WWP2: variants seen among roughly 807,000 people sequenced by gnomAD.
WWP2 encodes NEDD4-like E3 ubiquitin-protein ligase WWP2.
Under a neutral mutation model 121.0 loss-of-function variants are expected in WWP2, and 57 were observed. That is an observed-to-expected ratio of 0.47 (90% CI 0.38 to 0.59). The LOEUF (loss-of-function observed/expected upper bound fraction) is 0.59. WWP2 is among the 20% of genes least tolerant of loss of function. WWP2 has a pLI of 0.00. For missense variants in WWP2, 962 were observed against 1,158.9 expected, an observed-to-expected ratio of 0.83 and a Z score of 2.47; for synonymous variants, 449 against 441.3, an observed-to-expected ratio of 1.02 and a Z score of -0.22.
At chr16:69,848,752 A>G (rs9888981) in intron 6 of WWP2, among the ~76,000 whole-genome samples, 24,214 of 151,928 alleles carry the variant, frequency 0.16, 2,250 homozygotes, top group East Asian at 0.4. Flanking sequence ...ATGTGAACGC[A>G]CATGAGAGAG....
chr16:69,830,540 C>T (rs985092824), intron 4 of WWP2, among the ~76,000 whole-genome samples: 4 of 152,156 alleles, frequency 2.6e-5, no homozygotes, highest in African/African-American at 4.8e-5. Context: ...AGATTCCCAG[C>T]GGTAGTAGCC....
At chr16:69,795,927 C>A (rs1056519502) in intron 2 of WWP2, among the ~76,000 whole-genome samples, 1 of 151,742 alleles carries the variant, frequency 6.6e-6, no homozygotes. Flanking sequence ...GGATTACAGG[C>A]GTGAGCCACC....
At chr16:69,930,341 G>T in intron 13 of WWP2, 83 bp downstream of exon 13, 2 of 1,574,444 alleles carry the variant, frequency 1.3e-6, no homozygotes, top group Non-Finnish European at 1.7e-6. Flanking sequence ...GCCCACTTTG[G>T]GTGGCCCCTG....
At chr16:69,841,949 C>G (rs1231279231) in intron 5 of WWP2, 75 bp from the exon 6 acceptor site, 8 of 1,446,396 alleles carry the variant, frequency 5.5e-6, no homozygotes, top group South Asian at 1.2e-5. Flanking sequence ...GAGTTCTGTT[C>G]CTGGCCGTCA....
intron 18 of WWP2, 122 bp downstream of exon 18, chr16:69,936,108 A>AT: frequency 6.7e-7 from 1 of 1,488,400 alleles, no homozygotes; most frequent in Non-Finnish European, 9.1e-7. Flanking sequence ...TCCAGCCTCT[A>AT]TAAGAGCTTG....
intron 6 of WWP2, among the ~76,000 whole-genome samples, chr16:69,857,137 T>G (rs970482478): frequency 3.3e-5 from 5 of 152,016 alleles, no homozygotes; most frequent in African/African-American, 1.2e-4. Context: ...AGAGTCTCAC[T>G]CTGTCGCTCA....
At chr16:69,849,858 T>TTTTA (rs1555495355) in intron 6 of WWP2, among the ~76,000 whole-genome samples, 1 of 151,694 alleles carries the variant, frequency 6.6e-6, no homozygotes, top group Non-Finnish European at 1.5e-5. Context: ...TACATTGGTT[T>TTTTA]ATTTTGCATC....
In WWP2 at chr16:69,935,563, C is replaced by A. The variant is rs774515888; in HGVS notation, c.1843-290C>A. ...TTTGCTAGGCCAGGAGCCAGCCGGCCAGCGTGCGGGGCAGATGCGGGCCCG... is the reference window on the plus strand; with the variant it reads ...TTTGCTAGGCCAGGAGCCAGCCGGCAAGCGTGCGGGGCAGATGCGGGCCCG... On this transcript the variant is annotated intron_variant, in intron 17 of 23. Coordinates refer to ENST00000359154, the MANE Select transcript of WWP2 (RefSeq NM_001270454.2). The surrounding 1 kb of genome is among the most constrained non-coding windows in gnomAD (Gnocchi z 5.2). 1.3e-5 allele frequency among the ~76,000 whole-genome samples: 2 copies of A among 152,230 alleles called. No individual in the cohort carries two copies. The highest frequency in any genetic ancestry group is 2.9e-5 in the Non-Finnish European group (2 of 68,032).
chr16:69,852,939 G>A (rs985386504), intron 6 of WWP2, among the ~76,000 whole-genome samples: 1 of 151,818 alleles, frequency 6.6e-6, no homozygotes, highest in African/African-American at 2.4e-5. Context: ...AAAGATTTAC[G>A]ATTTGGCTCT....
chr16:69,846,708 A>T (rs1288295054), intron 6 of WWP2, among the ~76,000 whole-genome samples: 6 of 150,996 alleles, frequency 4.0e-5, no homozygotes, highest in Non-Finnish European at 8.9e-5. Context: ...TGATGGAGTG[A>T]GACTCTGTCT....
intron 18 of WWP2, 111 bp downstream of exon 18, chr16:69,936,097 T>G (rs2270842): frequency 0.76 from 1,152,107 of 1,515,590 alleles, 440,654 homozygotes; most frequent in East Asian, 0.96. Flanking sequence ...CTGAGCTCTT[T>G]TCCAGCCTCT....
At chr16:69,883,041 T>C (rs963727969) in intron 7 of WWP2, among the ~76,000 whole-genome samples, 2 of 151,574 alleles carry the variant, frequency 1.3e-5, no homozygotes, top group Non-Finnish European at 2.9e-5. Flanking sequence ...TAATCCCAGC[T>C]ACTTGGGAGG....
chr16:69,935,716 G>A lies in WWP2; in HGVS notation c.1843-137G>A, dbSNP rs754249748. The A allele has an allele frequency of 5.6e-5, 74 of 1,320,140 alleles. No homozygotes were observed. The highest frequency in any genetic ancestry group is 2.5e-4 in the Middle Eastern group (1 of 3,940). The allele number at this position is 1,320,140 out of a possible 1,614,324, so 81.8% of individuals were successfully genotyped here. On this transcript the variant is annotated intron_variant, in intron 17 of 23. Transcript: ENST00000359154. This position sits in a 1 kb window ranked among gnomAD's most constrained non-coding sequence, Gnocchi z 5.2. ...CTCCTGAGGCCCTCCCGCTGCGTCCGAGGCAGCTGCTGCTGTAGTTCTGTC... is the reference window on the plus strand; with the variant it reads ...CTCCTGAGGCCCTCCCGCTGCGTCCAAGGCAGCTGCTGCTGTAGTTCTGTC...
At chr16:69,873,495 C>T (rs1172344766) in intron 7 of WWP2, among the ~76,000 whole-genome samples, 1 of 152,232 alleles carries the variant, frequency 6.6e-6, no homozygotes, top group Non-Finnish European at 1.5e-5. Flanking sequence ...AGTCCCAGGG[C>T]TGCCGTCTCA....
intron 6 of WWP2, among the ~76,000 whole-genome samples, chr16:69,859,749 G>T (rs1262398237): frequency 6.6e-6 from 1 of 151,910 alleles, no homozygotes; most frequent in Non-Finnish European, 1.5e-5. Flanking sequence ...CAGGAAAGGA[G>T]TGTCAGATCT....
rs1042649982 is a variant in WWP2, at chr16:69,782,357, A to G, written c.-15-4639A>G. On this transcript the variant is annotated intron_variant, in intron 1 of 23. Coordinates refer to ENST00000359154, the MANE Select transcript of WWP2 (RefSeq NM_001270454.2). ...AATGAGGTAACTGAGAAGAGGTAGA[A>G]CATTGATTGCTTGAGGTTGAGGACG... 1.2e-4 allele frequency among the ~76,000 whole-genome samples: 19 copies of G among 152,314 alleles called. No individual in the cohort carries two copies. In the East Asian group the frequency reaches 3.7e-3, roughly 29 times the overall value.
chr16:69,773,770 C>T (rs2055467819), intron 1 of WWP2, among the ~76,000 whole-genome samples: 1 of 152,222 alleles, frequency 6.6e-6, no homozygotes, highest in Non-Finnish European at 1.5e-5. Context: ...GCATGAGCCA[C>T]TACACCCAGC....
intron 11 of WWP2, among the ~76,000 whole-genome samples, chr16:69,927,628 C>T (rs577319559): frequency 1.4e-4 from 21 of 152,358 alleles, no homozygotes; most frequent in African/African-American, 5.0e-4. Flanking sequence ...CCCCCTGGCC[C>T]TGTGGTTAGC....
At chr16:69,872,782 G>A (rs575703473) in intron 7 of WWP2, among the ~76,000 whole-genome samples, 2 of 152,192 alleles carry the variant, frequency 1.3e-5, no homozygotes, top group South Asian at 2.1e-4. Context: ...TGCCGTCCAC[G>A]TGCGCATGGA....
Sources: allele counts gnomAD v4.1 joint callset (sites outside exome capture counted in the v4.1 genomes callset), GRCh38; gene constraint gnomAD v4.1.1; non-coding constraint Gnocchi (gnomAD v3.1); transcripts MANE v1.5; gene names NCBI Gene and HGNC (gene_info 2026-07-23, HGNC 2026-07-21).